RASGRP3: variants seen among roughly 807,000 people sequenced by gnomAD.
RASGRP3 encodes RAS guanyl releasing protein 3, also known as ras guanyl-releasing protein 3.
A neutral mutation model predicts 82.7 loss-of-function variants in RASGRP3; 54 were observed. The observed-to-expected ratio is 0.65, with a 90% CI of 0.52 to 0.82. RASGRP3 has a LOEUF of 0.82. RASGRP3 is among the 40% of genes least tolerant of loss of function. The pLI, the probability that RASGRP3 is intolerant of heterozygous loss-of-function variation, is 0.00. For missense variants in RASGRP3, 861 were observed against 828.9 expected (o/e 1.04, Z -0.48); for synonymous variants, 309 against 300.5 (o/e 1.03, Z -0.29).
At chr2:33,458,470 T>A (rs1005894817) in intron 2 of RASGRP3, among the ~76,000 whole-genome samples, 1 of 152,196 alleles carries the variant, frequency 6.6e-6, no homozygotes, top group Non-Finnish European at 1.5e-5. Flanking sequence ...TAGACAGATA[T>A]ATTGCAACCT....
upstream of RASGRP3, among the ~76,000 whole-genome samples, chr2:33,476,043 T>A (rs1667339662): frequency 6.6e-6 from 1 of 152,180 alleles, no homozygotes; most frequent in Non-Finnish European, 1.5e-5. Context: ...CTCCCATATT[T>A]GCCCCTCAGC....
intron 2 of RASGRP3, among the ~76,000 whole-genome samples, chr2:33,464,110 A>AATAATTATTATT (rs1398514920): frequency 1.1e-3 from 162 of 144,258 alleles, no homozygotes; most frequent in African/African-American, 3.5e-3. Context: ...TAATAATAAT[A>AATAATTATTATT]ATTATTATTA....
At chr2:33,555,192 A>AGAG in intron 14 of RASGRP3, 1 of 195,166 alleles carries the variant, frequency 5.1e-6, no homozygotes, top group African/African-American at 2.3e-5. Flanking sequence ...CATTAAAAAG[A>AGAG]GAGAGCCAGG....
intron 7 of RASGRP3, among the ~76,000 whole-genome samples, chr2:33,523,163 C>T (rs977341082): frequency 6.6e-6 from 1 of 152,084 alleles, no homozygotes; most frequent in Non-Finnish European, 1.5e-5. Context: ...ATTGGAATCA[C>T]CAGCAGTGTG....
intron 1 of RASGRP3, among the ~76,000 whole-genome samples, chr2:33,443,151 T>C (rs1317200280): frequency 6.6e-6 from 1 of 152,226 alleles, no homozygotes; most frequent in African/African-American, 2.4e-5. Context: ...TTCTTTCTAT[T>C]ACATTTATAA....
At chr2:33,483,919 A>G (rs1360824157) in intron 1 of RASGRP3, among the ~76,000 whole-genome samples, 1 of 152,152 alleles carries the variant, frequency 6.6e-6, no homozygotes, top group Non-Finnish European at 1.5e-5. Flanking sequence ...AGAGACCTTA[A>G]TAGTTAATGA....
In RASGRP3 at chr2:33,555,528, C is replaced by T. The variant is rs775811958; in HGVS notation, c.1543-3C>T. On this transcript the variant is annotated splice_polypyrimidine_tract_variant and splice_region_variant and intron_variant, in intron 14 of 17. Transcript: ENST00000403687. The stretch of plus-strand genomic sequence containing the variant: ...CCTGACATTCCTTTGTCTTTTGTTA[C>T]AGCTCTGGGGCATAATCAAGCAAGG... 1 of 1,596,192 alleles carries T rather than the reference C, an allele frequency of 6.3e-7. No homozygotes were observed.
At chr2:33,524,101 C>T (rs1672290461) in intron 8 of RASGRP3, 49 bp downstream of exon 8, 2 of 1,579,082 alleles carry the variant, frequency 1.3e-6, no homozygotes, top group African/African-American at 1.4e-5. Flanking sequence ...TGTTCGTTCA[C>T]TCTGTTGAGA....
chr2:33,553,238 T>C (rs1248863934), intron 14 of RASGRP3, among the ~76,000 whole-genome samples: 1 of 152,186 alleles, frequency 6.6e-6, no homozygotes, highest in African/African-American at 2.4e-5. Context: ...CTTCCTGTCT[T>C]TCCCTCAAGT....
intron 9 of RASGRP3, among the ~76,000 whole-genome samples, chr2:33,524,937 C>T (rs1244163388): frequency 6.6e-6 from 1 of 151,664 alleles, no homozygotes; most frequent in African/African-American, 2.4e-5. Flanking sequence ...AAAAATTAGC[C>T]GGGTGTGGTG....
chr2:33,500,824 C>T (rs1453517516), intron 1 of RASGRP3, among the ~76,000 whole-genome samples: 1 of 152,138 alleles, frequency 6.6e-6, no homozygotes, highest in East Asian at 1.9e-4. Flanking sequence ...ATCCCAGCTA[C>T]TCAGGTGGCT....
upstream of RASGRP3, among the ~76,000 whole-genome samples, chr2:33,474,043 G>A (rs572438147): frequency 6.6e-6 from 1 of 152,182 alleles, no homozygotes; most frequent in Admixed American, 6.5e-5. Context: ...CTGACAGGAG[G>A]CAGAGCTCAG....
chr2:33,442,496 C>T (rs1665279494), intron 1 of RASGRP3, among the ~76,000 whole-genome samples: 1 of 152,188 alleles, frequency 6.6e-6, no homozygotes, highest in African/African-American at 2.4e-5. Flanking sequence ...AGAGCTAAGT[C>T]TCTGTTCTGA....
upstream of RASGRP3, among the ~76,000 whole-genome samples, chr2:33,473,531 G>T (rs1049103719): frequency 6.6e-6 from 1 of 152,230 alleles, no homozygotes; most frequent in Non-Finnish European, 1.5e-5. Flanking sequence ...GACACAGGGT[G>T]AGACACAAAG....
chr2:33,447,305 T>C (rs1420898234), intron 1 of RASGRP3, among the ~76,000 whole-genome samples: 2 of 152,256 alleles, frequency 1.3e-5, no homozygotes, highest in East Asian at 1.9e-4. Flanking sequence ...CAGACTGTTC[T>C]GGAACACTCT....
intron 10 of RASGRP3, among the ~76,000 whole-genome samples, chr2:33,529,998 A>C (rs1323218812): frequency 2.0e-5 from 3 of 152,190 alleles, no homozygotes; most frequent in East Asian, 1.9e-4. Flanking sequence ...ATAGCAGTAT[A>C]CATTCCTTCT....
In RASGRP3 at chr2:33,534,350, G is replaced by A. The variant is rs1289925037; in HGVS notation, c.1111G>A (p.Asp371Asn). ...TTCCCTGGACCTCTATCACACTGAA[G>A]ATGATATTTACAAACTGTCACTGGT... ...TLSLDLYHTEDDIYKLSLVLE... is the reference protein window; with the variant it reads ...TLSLDLYHTENDIYKLSLVLE... The change falls in exon 11 of 18, where the codon GAT becomes AAT. Residue 371 changes from aspartate (D) to asparagine (N), a missense_variant. Asp to Asn is a conservative substitution (Grantham distance 23). Transcript: ENST00000403687. 2.5e-6 allele frequency: 4 copies of A among 1,579,760 alleles called. No individual in the cohort carries two copies. The highest frequency in any genetic ancestry group is 3.5e-6 in the Non-Finnish European group (4 of 1,149,740).
intron 9 of RASGRP3, 117 bp from the exon 10 acceptor site, chr2:33,527,020 T>G: frequency 1.9e-6 from 2 of 1,056,630 alleles, no homozygotes; most frequent in Non-Finnish European, 2.7e-6. Flanking sequence ...GCAGCAACAT[T>G]GGTGCAAGTG....
chr2:33,455,156 T>A (rs1447090421), intron 2 of RASGRP3, among the ~76,000 whole-genome samples: 1 of 152,226 alleles, frequency 6.6e-6, no homozygotes, highest in African/African-American at 2.4e-5. Context: ...CCATGAAAGC[T>A]TAAAACAGTC....
Sources: allele counts gnomAD v4.1 joint callset (sites outside exome capture counted in the v4.1 genomes callset), GRCh38; gene constraint gnomAD v4.1.1; transcripts MANE v1.5; gene names NCBI Gene and HGNC (gene_info 2026-07-23, HGNC 2026-07-21).